The following GYS1 variants were observed in gnomAD, a reference collection of about 807,000 sequenced individuals.
GYS1 encodes the protein glycogen [starch] synthase, muscle.
GYS1 carries 60 observed loss-of-function variants against 89.1 expected under a neutral mutation model. That is an observed-to-expected ratio of 0.67 (90% CI 0.55 to 0.84). The LOEUF (loss-of-function observed/expected upper bound fraction) is 0.84, where lower values mean the gene tolerates loss of function less well. Among genes scored for constraint, GYS1 ranks in the 40% least tolerant of loss-of-function variants. The pLI is 0.00. For synonymous variants in GYS1, 366 were observed against 401.7 expected, an observed-to-expected ratio of 0.91 and a Z score of 1.06; for missense variants, 888 against 1,003.1, an observed-to-expected ratio of 0.89 and a Z score of 1.55.
At position 48,980,262 on chromosome 19, in the gene GYS1, T is replaced by C. The variant is rs1325273709; in HGVS notation, c.1169+1268A>G. On this transcript the variant is annotated intron_variant, in intron 8 of 15. Transcript: ENST00000323798. ...TCTCTGCCCAATAACACTTTCTCAG[T>C]GTGGCCTGTCCTGACAACCCCGTCT... Among the ~76,000 whole-genome samples the C allele has an allele frequency of 3.9e-5, 6 of 152,202 alleles. No individual in the cohort carries two copies. The South Asian group carries it at 8.3e-4, about 21-fold the overall frequency.
rs2122549955 is a variant in GYS1, at chr19:48,993,057, T to A, written c.56A>T (p.Glu19Val). 1.9e-6 allele frequency: 3 copies of A among 1,613,662 alleles called. No homozygotes were observed. Among genetic ancestry groups the A allele is most frequent in the Non-Finnish European group, 2.5e-6 (3 of 1,179,662 alleles). ...MSSLPGLEDW[E>V]DEFDLENAVL... is the part of the protein sequence containing the mutation. The stretch of plus-strand genomic sequence containing the variant: ...TGCGTTCTCCAGGTCGAATTCATCC[T>A]CCCAGTCCTCCAGTCCTGGCAGTGA... The change falls in exon 1 of 16, where the codon GAG becomes GTG. Residue 19 changes from glutamate to valine, a missense_variant. Coordinates refer to ENST00000323798, the MANE Select transcript of GYS1 (RefSeq NM_002103.5).
intron 8 of GYS1, among the ~76,000 whole-genome samples, chr19:48,979,011 G>C (rs1213568878): frequency 2.6e-5 from 4 of 152,160 alleles, no homozygotes; most frequent in Non-Finnish European, 5.9e-5. Context: ...TGACTGCAGT[G>C]ACTCATTTTT....
intron 10 of GYS1, among the ~76,000 whole-genome samples, chr19:48,976,634 T>C (rs2038656911): frequency 1.3e-5 from 2 of 152,044 alleles, no homozygotes; most frequent in Admixed American, 1.3e-4. Context: ...GTCCCTAAAG[T>C]GGCCCGATAA....
rs202146011 is a variant in GYS1 at position 48,981,117 on chromosome 19, T to TAA, written c.1169+411_1169+412dup. Among the ~76,000 whole-genome samples, 87 of 128,466 alleles carry TAA rather than the reference T, an allele frequency of 6.8e-4. No homozygotes were observed. In the Middle Eastern group the frequency reaches 0.018, roughly 26 times the overall value. The allele number at this position is 128,466 out of a possible 152,430, so 84.3% of individuals were successfully genotyped here. On this transcript the variant is annotated intron_variant, in intron 8 of 15. Coordinates refer to ENST00000323798, the MANE Select transcript of GYS1 (RefSeq NM_002103.5). ...GACAGAGCAAAACTCCATCTCAAAA[T>TAA]AAAAAAAAAAAAGAGGGCCGGGTGC...
At position 48,987,803 on chromosome 19, in the gene GYS1, A is replaced by AT. The variant is rs981882179; in HGVS notation, c.301-419dup. Among the ~76,000 whole-genome samples the AT allele has an allele frequency of 9.7e-4, 120 of 123,634 alleles. 1 individual carries two copies. Among genetic ancestry groups the AT allele is most frequent in the Admixed American group, 1.5e-3 (19 of 12,460 alleles). 81.1% of individuals were successfully genotyped at this position (123,634 alleles called of 152,430 possible). On this transcript the variant is annotated intron_variant, in intron 2 of 15. Transcript: ENST00000323798. ...AGGCACCCGCTCCCACACCTGGCTA[A>AT]TTTTTTTTTTTTCTTGAGACGGAGT... is the stretch of plus-strand genomic sequence containing the variant.
At chr19:48,970,462 G>A (rs757609406) in intron 14 of GYS1, 84 bp downstream of exon 14, 2 of 1,135,614 alleles carry the variant, frequency 1.8e-6, no homozygotes, top group South Asian at 2.5e-5. Context: ...TTACAAGTAG[G>A]ATGAGACCCT....
chr19:48,985,486 T>C lies in GYS1; in HGVS notation c.798A>G (p.Ala266=). ...TTVSQITAIE[A]QHLLKRKPDI... ...CTGGTTTCCTCTTGAGCAAGTGCTG[T>C]GCCTCGATGGCGGTGATCTGGGACA... Residue 266 remains alanine, a synonymous_variant, in exon 5 of 16, where the codon GCA becomes GCG. Transcript: ENST00000323798. 6.2e-7 allele frequency: 1 copy of C among 1,614,060 alleles called. No individual in the cohort carries two copies. The highest frequency in any genetic ancestry group is 8.5e-7 in the Non-Finnish European group (1 of 1,180,050).
chr19:48,970,281 C>T (rs951906212), intron 14 of GYS1: 2 of 488,246 alleles, frequency 4.1e-6, no homozygotes, highest in Non-Finnish European at 7.5e-6. Context: ...CGCACCATCA[C>T]GCTCGGCTGA....
At chr19:48,989,243 G>A (rs1004372132) in intron 2 of GYS1, among the ~76,000 whole-genome samples, 1 of 151,716 alleles carries the variant, frequency 6.6e-6, no homozygotes, top group African/African-American at 2.4e-5. Flanking sequence ...GCTCTTTGGG[G>A]GGCCGAGGCG....
rs763184120 is a variant in GYS1, at chr19:48,987,379, A to C, written c.307T>G (p.Phe103Val). 5.0e-6 allele frequency: 8 copies of C among 1,600,234 alleles called. No individual in the cohort carries two copies. The highest frequency in any genetic ancestry group is 6.8e-6 in the Non-Finnish European group (8 of 1,172,534). Reference sequence around the variant, plus strand: ...CCTCCCTCGATCAGCCAGCGCCCGAAATACACCTGGGATGGGGTTGGGGAG... The same window carrying C: ...CCTCCCTCGATCAGCCAGCGCCCGACATACACCTGGGATGGGGTTGGGGAG... ...SMNSKGCKVY[F>V]GRWLIEGGPL... Residue 103 changes from phenylalanine (F) to valine (V), a missense_variant, in exon 3 of 16, where the codon TTC becomes GTC. Transcript: ENST00000323798.
chr19:48,991,896 C>T lies in GYS1; in HGVS notation c.119-413G>A, dbSNP rs1360811059. Among the ~76,000 whole-genome samples the T allele has an allele frequency of 2.0e-5, 3 of 152,074 alleles. No homozygotes were observed. Among genetic ancestry groups the T allele is most frequent in the Non-Finnish European group, 4.4e-5 (3 of 67,986 alleles). ...GCTCACAGGAGCTGGGTTTAAATCG[C>T]AGCCAGGCTCCAAAACCCAGTGAGG... On this transcript the variant is annotated intron_variant, in intron 1 of 15. Coordinates refer to ENST00000323798, the MANE Select transcript of GYS1 (RefSeq NM_002103.5). This position sits in a 1 kb window ranked among gnomAD's most constrained non-coding sequence, Gnocchi z 4.7.
chr19:48,969,415 C>T lies in GYS1; in HGVS notation c.2087G>A (p.Arg696Gln), dbSNP rs1345458151. 2.6e-6 allele frequency: 4 copies of T among 1,549,098 alleles called. No homozygotes were observed. Among genetic ancestry groups the T allele is most frequent in the African/African-American group, 1.4e-5 (1 of 73,156 alleles). The change falls in exon 16 of 16, where the codon CGA becomes CAA. Residue 696 changes from arginine (R) to glutamine (Q), a missense_variant. Physicochemically the swap from Arg to Gln is conservative, Grantham distance 43 (BLOSUM62 1). Transcript: ENST00000323798. Reference sequence around the variant, plus strand: ...GCTGGTGGAGGAGGTGCAGGACGCTCGGCGCGGCCACTCTGGTGCACGGAT... The same window carrying T: ...GCTGGTGGAGGAGGTGCAGGACGCTTGGCGCGGCCACTCTGGTGCACGGAT... ...RNIRAPEWPR[R>Q]ASCTSSTSGS... is the part of the protein sequence containing the mutation.
At chr19:48,976,557 C>T (rs575028660) in intron 10 of GYS1, among the ~76,000 whole-genome samples, 1 of 152,034 alleles carries the variant, frequency 6.6e-6, no homozygotes, top group Non-Finnish European at 1.5e-5. Flanking sequence ...AATAAGAAAC[C>T]GCAGCTGCTG....
At chr19:48,972,870 A>C (rs1265515562) in intron 12 of GYS1, among the ~76,000 whole-genome samples, 1 of 152,194 alleles carries the variant, frequency 6.6e-6, no homozygotes, top group African/African-American at 2.4e-5. Context: ...GCATGGTGGG[A>C]TGCACCTATA....
At chr19:48,982,883 T>C (rs541577432) in intron 5 of GYS1, 46 bp from the exon 6 acceptor site, 1 of 1,269,218 alleles carries the variant, frequency 7.9e-7, no homozygotes, top group Non-Finnish European at 1.2e-6. Context: ...TTCATTCAGA[T>C]CAATGTTGTG....
chr19:48,984,608 C>A (rs575415209), intron 5 of GYS1, among the ~76,000 whole-genome samples: 7 of 152,174 alleles, frequency 4.6e-5, no homozygotes, highest in East Asian at 3.9e-4. Context: ...GTTGGCCAGG[C>A]TGGTCTCGAT....
rs189417573 is a variant in GYS1, at chr19:48,972,137, A to C, written c.1550-1114T>G. Among the ~76,000 whole-genome samples, 45 of 152,080 alleles carry C rather than the reference A, an allele frequency of 3.0e-4. No individual in the cohort carries two copies. The East Asian group carries it at 6.2e-3, about 21-fold the overall frequency. On this transcript the variant is annotated intron_variant, in intron 12 of 15. Coordinates refer to ENST00000323798, the MANE Select transcript of GYS1 (RefSeq NM_002103.5). Reference sequence around the variant, plus strand: ...CGAGGTCAAGAAGAGAAAAAAAAAAAAACCATCCTGGCCAACATGGTGAAA... The same window carrying C: ...CGAGGTCAAGAAGAGAAAAAAAAAACAACCATCCTGGCCAACATGGTGAAA...
In GYS1 at chr19:48,991,419, G is replaced by C; in HGVS notation, c.183C>G (p.Asn61Lys). The part of the protein sequence containing the change: ...AKVTGDEWGD[N>K]YFLVGPYTEQ... Reference sequence around the variant, plus strand: ...CCGTGTACGGCCCCACCAGGAAGTAGTTGTCGCCCCATTCGTCCCCTGTCA... The same window carrying C: ...CCGTGTACGGCCCCACCAGGAAGTACTTGTCGCCCCATTCGTCCCCTGTCA... Residue 61 changes from asparagine (N) to lysine (K), a missense_variant, in exon 2 of 16, where the codon AAC becomes AAG. Coordinates refer to ENST00000323798, the MANE Select transcript of GYS1 (RefSeq NM_002103.5). The surrounding 1 kb of genome is among the most constrained non-coding windows in gnomAD (Gnocchi z 4.7). The C allele has an allele frequency of 6.2e-7, 1 of 1,614,156 alleles. No homozygotes were observed. Among genetic ancestry groups the C allele is most frequent in the Non-Finnish European group, 8.5e-7 (1 of 1,180,034 alleles).
At chr19:48,975,958 C>T (rs981673483) in intron 10 of GYS1, among the ~76,000 whole-genome samples, 2 of 150,904 alleles carry the variant, frequency 1.3e-5, no homozygotes, top group African/African-American at 4.9e-5. Flanking sequence ...AAATTCACCT[C>T]CAACCCTAAC....
Sources: allele counts gnomAD v4.1 joint callset (sites outside exome capture counted in the v4.1 genomes callset), GRCh38; gene constraint gnomAD v4.1.1; non-coding constraint Gnocchi (gnomAD v3.1); transcripts MANE v1.5; gene names NCBI Gene and HGNC (gene_info 2026-07-23, HGNC 2026-07-21).